The following ITPR2 variants were observed in gnomAD, a reference collection of about 807,000 sequenced individuals.
ITPR2 encodes the protein inositol 1,4,5-trisphosphate-gated calcium channel ITPR2.
A neutral mutation model predicts 317.1 loss-of-function variants in ITPR2; 207 were observed. The ratio of observed to expected loss-of-function variants is 0.65; its 90% CI spans 0.58 to 0.73. The LOEUF (loss-of-function observed/expected upper bound fraction) is 0.73, where lower values mean the gene tolerates loss of function less well. Among genes scored for constraint, ITPR2 ranks in the 30% least tolerant of loss-of-function variants. The pLI is 0.00. For synonymous variants in ITPR2, 1,156 were observed against 1,149.1 expected, an observed-to-expected ratio of 1.01 and a Z score of -0.12; for missense variants, 2,613 against 3,284.0, an observed-to-expected ratio of 0.80 and a Z score of 4.99.
intron 2 of ITPR2, among the ~76,000 whole-genome samples, chr12:26,775,945 T>TATATATATATATACATAC (rs1565755039): frequency 1.4e-5 from 2 of 145,582 alleles, no homozygotes; most frequent in East Asian, 3.9e-4. Context: ...TATATATATA[T>TATATATATATATACATAC]ATGTATATGT....
intron 26 of ITPR2, among the ~76,000 whole-genome samples, chr12:26,605,539 A>G (rs1565635591): frequency 6.6e-6 from 1 of 152,212 alleles, no homozygotes; most frequent in Non-Finnish European, 1.5e-5. Context: ...TCAACTTTAA[A>G]GAAAGCTGTT....
At chr12:26,339,861 G>T (rs192430193) in intron 56 of ITPR2, among the ~76,000 whole-genome samples, 1 of 152,178 alleles carries the variant, frequency 6.6e-6, no homozygotes, top group Admixed American at 6.5e-5. Context: ...CTTTCCCATG[G>T]GCTTAGTAAT....
At chr12:26,358,210 C>A (rs1165970489) in intron 55 of ITPR2, among the ~76,000 whole-genome samples, 2 of 2,380 alleles carry the variant, frequency 8.4e-4, no homozygotes, top group African/African-American at 9.0e-4. Flanking sequence ...CACGGTGAAA[C>A]CCCGTCTCTA....
chr12:26,570,832 T>A (rs1258569756), intron 34 of ITPR2, among the ~76,000 whole-genome samples: 1 of 152,206 alleles, frequency 6.6e-6, no homozygotes, highest in Admixed American at 6.5e-5. Flanking sequence ...ATTGACCAAG[T>A]GCATTAAAAA....
At chr12:26,446,852 T>C (rs557968144) in intron 45 of ITPR2, among the ~76,000 whole-genome samples, 1 of 151,850 alleles carries the variant, frequency 6.6e-6, no homozygotes, top group East Asian at 1.9e-4. Flanking sequence ...TTGAAATATA[T>C]AATTGAAAAA....
rs1040022454 is a variant in ITPR2 at position 26,753,254 on chromosome 12, A to G, written c.164-27489T>C. On this transcript the variant is annotated intron_variant, in intron 2 of 56. Transcript: ENST00000381340. The stretch of plus-strand genomic sequence containing the variant: ...TAGGGGGTTAAAGGCCTCTCTCAGT[A>G]AAGTCCCTCTTGGTAAAGTCCCTTT... Among the ~76,000 whole-genome samples the G allele has an allele frequency of 2.0e-5, 3 of 152,194 alleles. No individual in the cohort carries two copies. In the East Asian group the frequency reaches 5.8e-4, roughly 29 times the overall value.
chr12:26,399,867 G>A (rs1046532385), intron 53 of ITPR2, among the ~76,000 whole-genome samples: 8 of 152,134 alleles, frequency 5.3e-5, no homozygotes, highest in African/African-American at 1.4e-4. Flanking sequence ...TATAAAGTTC[G>A]CAGTCATGAT....
At chr12:26,708,753 G>C (rs762933594) in intron 9 of ITPR2, among the ~76,000 whole-genome samples, 12 of 152,150 alleles carry the variant, frequency 7.9e-5, no homozygotes, top group Non-Finnish European at 1.6e-4. Context: ...AACTAAAAGA[G>C]TAGAATTGGA....
intron 52 of ITPR2, chr12:26,406,428 GTTTTTTTTTTTTTTTT>G (rs11358278): frequency 1.0e-5 from 1 of 100,296 alleles, no homozygotes; most frequent in African/African-American, 3.8e-5. Flanking sequence ...GAAATATGAA[GTTTTTTTTTTTTTTTT>G]TTTTTTTTTT....
intron 13 of ITPR2, among the ~76,000 whole-genome samples, chr12:26,667,228 T>C (rs550161005): frequency 6.6e-6 from 1 of 152,354 alleles, no homozygotes; most frequent in Non-Finnish European, 1.5e-5. Flanking sequence ...TTTTCTTCTC[T>C]TTCAATACCT....
intron 2 of ITPR2, among the ~76,000 whole-genome samples, chr12:26,762,646 G>A (rs1949657472): frequency 6.6e-6 from 1 of 152,146 alleles, no homozygotes; most frequent in Non-Finnish European, 1.5e-5. Flanking sequence ...TCACTTTAAA[G>A]GTAAGATTAT....
At chr12:26,422,530 T>A (rs1940933540) in intron 49 of ITPR2, among the ~76,000 whole-genome samples, 1 of 152,164 alleles carries the variant, frequency 6.6e-6, no homozygotes, top group Non-Finnish European at 1.5e-5. Flanking sequence ...CCTCCTGGTG[T>A]CTACAGGACT....
intron 37 of ITPR2, among the ~76,000 whole-genome samples, chr12:26,517,229 CA>C (rs1449802410): frequency 6.6e-6 from 1 of 151,932 alleles, no homozygotes; most frequent in Non-Finnish European, 1.5e-5. Context: ...TGATAACAGC[CA>C]AAAGAAACTA....
At chr12:26,467,853 T>C (rs1437914153) in intron 45 of ITPR2, among the ~76,000 whole-genome samples, 1 of 152,166 alleles carries the variant, frequency 6.6e-6, no homozygotes, top group Non-Finnish European at 1.5e-5. Context: ...AGTTGCTCAG[T>C]GAAAGACACG....
intron 34 of ITPR2, among the ~76,000 whole-genome samples, chr12:26,566,331 G>A (rs1944984975): frequency 7.1e-6 from 1 of 140,838 alleles, no homozygotes; most frequent in East Asian, 2.3e-4. Context: ...AGAGGAGAGG[G>A]AGAGGAGAAG....
chr12:26,775,377 A>G (rs982659844), intron 2 of ITPR2, among the ~76,000 whole-genome samples: 1 of 152,228 alleles, frequency 6.6e-6, no homozygotes. Context: ...CAATGAGCCA[A>G]TGCAACAAGG....
At chr12:26,357,589 G>A (rs531985495) in intron 55 of ITPR2, among the ~76,000 whole-genome samples, 6 of 152,196 alleles carry the variant, frequency 3.9e-5, no homozygotes, top group South Asian at 4.1e-4. Flanking sequence ...TGCGGGAACC[G>A]CCAGATTTAT....
intron 45 of ITPR2, among the ~76,000 whole-genome samples, chr12:26,452,075 C>T (rs1941754558): frequency 6.6e-6 from 1 of 152,072 alleles, no homozygotes; most frequent in South Asian, 2.1e-4. Flanking sequence ...CTCAAGCCTC[C>T]CAAATCAGAA....
chr12:26,635,711 A>C (rs17399326), intron 21 of ITPR2, among the ~76,000 whole-genome samples: 24,360 of 152,270 alleles, frequency 0.16, 2,638 homozygotes, highest in Non-Finnish European at 0.23. Flanking sequence ...TGATTCTGGA[A>C]GTCTTCCTAT....
Sources: allele counts gnomAD v4.1 joint callset (sites outside exome capture counted in the v4.1 genomes callset), GRCh38; gene constraint gnomAD v4.1.1; transcripts MANE v1.5; gene names NCBI Gene and HGNC (gene_info 2026-07-23, HGNC 2026-07-21).